MAX: variants seen among roughly 807,000 people sequenced by gnomAD.
The protein encoded by MAX is protein max.
In MAX, 3 loss-of-function variants were observed where a neutral mutation model predicts 22.3. The observed-to-expected ratio is 0.13, with a 90% CI of 0.06 to 0.35. MAX has a LOEUF of 0.35. Among genes scored for constraint, MAX ranks in the 10% least tolerant of loss-of-function variants. The pLI, the probability that MAX is intolerant of heterozygous loss-of-function variation, is 1.00. For missense variants in MAX, 119 were observed against 209.4 expected (o/e 0.57, Z 2.66); for synonymous variants, 72 against 77.7 (o/e 0.93, Z 0.39).
intron 3 of MAX, among the ~76,000 whole-genome samples, chr14:65,080,181 G>A (rs1424025092): frequency 6.6e-6 from 1 of 152,154 alleles, no homozygotes; most frequent in African/African-American, 2.4e-5. Context: ...CATGCAACAC[G>A]CTCCTATCTG....
Position 65,075,951 on chromosome 14 carries a change from T to C in MAX, c.*525A>G. The C allele has an allele frequency of 9.3e-7, 1 of 1,074,534 alleles. No homozygotes were observed. The highest frequency in any genetic ancestry group is 4.9e-5 in the East Asian group (1 of 20,576). The allele number at this position is 1,074,534 out of a possible 1,614,324, so 66.6% of individuals were successfully genotyped here. On this transcript the variant is annotated 3_prime_UTR_variant, in exon 5 of 5. Coordinates refer to ENST00000358664, the MANE Select transcript of MAX (RefSeq NM_002382.5). The surrounding 1 kb of genome is among the most constrained non-coding windows in gnomAD (Gnocchi z 4.1). ...TTCAATAGGAGCGATACATAGCTTT[T>C]TAGAAAAAGGAAAAAAAAAAAACCC... is the stretch of plus-strand genomic sequence containing the variant.
At chr14:65,052,693 T>A (rs948595036) in intron 3 of MAX, among the ~76,000 whole-genome samples, 2 of 152,224 alleles carry the variant, frequency 1.3e-5, no homozygotes, top group Admixed American at 1.3e-4. Context: ...ACTAGTAATG[T>A]TTCTTAGGTA....
intron 3 of MAX, among the ~76,000 whole-genome samples, chr14:65,021,275 A>G (rs930613238): frequency 3.3e-5 from 5 of 152,214 alleles, no homozygotes; most frequent in Admixed American, 6.5e-5. Flanking sequence ...GTAAGATTTA[A>G]AAATTGCCTT....
chr14:65,072,237 T>C (rs957384318), downstream of MAX, among the ~76,000 whole-genome samples: 1 of 152,180 alleles, frequency 6.6e-6, no homozygotes, highest in Non-Finnish European at 1.5e-5. Flanking sequence ...CTAGGCATGC[T>C]ACAGAAATGA....
chr14:65,020,182 T>C (rs952502585), intron 3 of MAX, among the ~76,000 whole-genome samples: 2 of 152,370 alleles, frequency 1.3e-5, no homozygotes, highest in African/African-American at 2.4e-5. Flanking sequence ...CAAAATACTT[T>C]TGTCAGCTGC....
intron 3 of MAX, among the ~76,000 whole-genome samples, chr14:65,015,932 A>G (rs1350199061): frequency 6.6e-6 from 1 of 152,202 alleles, no homozygotes; most frequent in Non-Finnish European, 1.5e-5. Context: ...AACTTCCAAG[A>G]GAAGGATTCT....
chr14:65,017,198 C>T (rs1311117116), intron 3 of MAX, among the ~76,000 whole-genome samples: 1 of 152,156 alleles, frequency 6.6e-6, no homozygotes, highest in East Asian at 1.9e-4. Flanking sequence ...GCTGGGATAA[C>T]AGGTGTGAGC....
rs1278260179 is a variant in MAX at position 65,044,140 on chromosome 14, C to G, written c.172-37856G>C. On this transcript the variant is annotated intron_variant, in intron 3 of 3. Coordinates refer to the MAX transcript ENST00000341653. The surrounding 1 kb of genome is among the most constrained non-coding windows in gnomAD (Gnocchi z 5.5). ...TTGGCTTAAATGCTTCACTCTGTGT[C>G]TATGGCAGTGTGGGGAGGGAAGGAA... Among the ~76,000 whole-genome samples the G allele has an allele frequency of 6.6e-6, 1 of 152,158 alleles. No individual in the cohort carries two copies. Among genetic ancestry groups the G allele is most frequent in the Non-Finnish European group, 1.5e-5 (1 of 68,038 alleles).
intron 3 of MAX, among the ~76,000 whole-genome samples, chr14:65,089,489 G>C (rs2063436442): frequency 6.6e-6 from 1 of 151,978 alleles, no homozygotes; most frequent in South Asian, 2.1e-4. Context: ...AACCACTGTA[G>C]AGCTACAAAT....
chr14:65,025,119 C>T (rs1232136079), intron 3 of MAX, among the ~76,000 whole-genome samples: 1 of 152,152 alleles, frequency 6.6e-6, no homozygotes, highest in Non-Finnish European at 1.5e-5. Flanking sequence ...AGCCCAACCT[C>T]CAGTTCTCTA....
chr14:65,022,020 G>A, intron 3 of MAX: 1 of 456,046 alleles, frequency 2.2e-6, no homozygotes. Flanking sequence ...GCTTGATGAA[G>A]AGTCAAATAA....
In MAX at chr14:65,102,411, A is replaced by G; in HGVS notation, c.-72T>C. ...AAGGGGTGAAGGGGAGGGGGAAGTCACCGACAACAACAAGCCGAGTCCCCC... is the reference window on the plus strand; with the variant it reads ...AAGGGGTGAAGGGGAGGGGGAAGTCGCCGACAACAACAAGCCGAGTCCCCC... On this transcript the variant is annotated 5_prime_UTR_variant, in exon 1 of 5. Coordinates refer to ENST00000358664, the MANE Select transcript of MAX (RefSeq NM_002382.5). 2 of 1,573,526 alleles carry G rather than the reference A, an allele frequency of 1.3e-6. No homozygotes were observed. Among genetic ancestry groups the G allele is most frequent in the South Asian group, 1.2e-5 (1 of 86,164 alleles).
At chr14:65,037,547 C>A (rs1241199116) in intron 3 of MAX, among the ~76,000 whole-genome samples, 1 of 146,434 alleles carries the variant, frequency 6.8e-6, no homozygotes, top group Non-Finnish European at 1.5e-5. Flanking sequence ...TGATCATCCT[C>A]AGCCTCCTGA....
chr14:65,031,900 G>A lies in MAX; in HGVS notation c.172-25616C>T, dbSNP rs150991563. Among the ~76,000 whole-genome samples the A allele has an allele frequency of 3.4e-3, 512 of 152,154 alleles. 1 individual carries two copies. The highest frequency in any genetic ancestry group is 0.012 in the African/African-American group (483 of 41,530). On this transcript the variant is annotated intron_variant, in intron 3 of 3. Coordinates refer to the MAX transcript ENST00000341653. The surrounding 1 kb of genome is among the most constrained non-coding windows in gnomAD (Gnocchi z 4.6). ...CATACCACTGCACTCTAGCCTGGGC[G>A]ACAGAGTGAGACCCTGTCTCAATAA...
At position 65,032,649 on chromosome 14, in the gene MAX, C is replaced by T. The variant is rs753387342; in HGVS notation, c.172-26365G>A. The T allele has an allele frequency of 6.2e-6, 10 of 1,614,036 alleles. No individual in the cohort carries two copies. In the South Asian group the frequency reaches 1.1e-4, roughly 18 times the overall value. On this transcript the variant is annotated intron_variant, in intron 3 of 3. Transcript: ENST00000341653. The surrounding 1 kb of genome is among the most constrained non-coding windows in gnomAD (Gnocchi z 5.0). ...CTGCCTCCGTAGCCTCGCTGACCAA[C>T]ATCATCACTCCAGACCTCTTTGAGG...
chr14:65,058,085 T>C (rs554763035), intron 3 of MAX, among the ~76,000 whole-genome samples: 3 of 151,620 alleles, frequency 2.0e-5, no homozygotes, highest in Non-Finnish European at 4.4e-5. Flanking sequence ...TTGCACTACA[T>C]TTTAGATTAA....
intron 3 of MAX, among the ~76,000 whole-genome samples, chr14:65,063,855 G>A (rs769652110): frequency 4.6e-5 from 7 of 152,160 alleles, no homozygotes; most frequent in Admixed American, 2.0e-4. Context: ...GTGAGCCACC[G>A]CACCTTTGGA....
intron 3 of MAX, among the ~76,000 whole-genome samples, chr14:65,092,752 A>G (rs1345831264): frequency 6.6e-6 from 1 of 152,238 alleles, no homozygotes; most frequent in Non-Finnish European, 1.5e-5. Flanking sequence ...ATAAAAAATG[A>G]AAGCATAAGG....
At chr14:65,035,825 C>T (rs777580109) in intron 3 of MAX, among the ~76,000 whole-genome samples, 6 of 151,818 alleles carry the variant, frequency 4.0e-5, no homozygotes, top group Middle Eastern at 3.4e-3. Flanking sequence ...TGAGCCACTG[C>T]GCCCAGCTTT....
Sources: allele counts gnomAD v4.1 joint callset (sites outside exome capture counted in the v4.1 genomes callset), GRCh38; gene constraint gnomAD v4.1.1; non-coding constraint Gnocchi (gnomAD v3.1); transcripts MANE v1.5; gene names NCBI Gene and HGNC (gene_info 2026-07-23, HGNC 2026-07-21).